Variants in PCDH15 observed in about 807,000 individuals in gnomAD.
PCDH15 encodes the protein protocadherin related 15.
PCDH15 carries 129 observed loss-of-function variants against 178.5 expected under a neutral mutation model. That is an observed-to-expected ratio of 0.72 (90% CI 0.63 to 0.84). PCDH15 has a LOEUF of 0.84. Ranked by LOEUF, PCDH15 falls within the 40% of genes least tolerant of loss-of-function variation. The pLI, the probability that PCDH15 is intolerant of heterozygous loss-of-function variation, is 0.00. For synonymous variants in PCDH15, 800 were observed against 732.0 expected, an observed-to-expected ratio of 1.09 and a Z score of -1.50; for missense variants, 2,230 against 2,099.9, an observed-to-expected ratio of 1.06 and a Z score of -1.21.
intron 2 of PCDH15, among the ~76,000 whole-genome samples, chr10:55,009,996 C>T (rs1378349325): frequency 6.6e-6 from 1 of 152,074 alleles, no homozygotes; most frequent in African/African-American, 2.4e-5. Flanking sequence ...CAGTCTCTCA[C>T]TAAGTCTGCA....
intron 6 of PCDH15, among the ~76,000 whole-genome samples, chr10:54,336,673 AC>A (rs998847032): frequency 2.6e-5 from 4 of 152,218 alleles, no homozygotes; most frequent in Admixed American, 1.3e-4. Context: ...GGATGTCCAG[AC>A]AAAAGTTTGC....
upstream of PCDH15, among the ~76,000 whole-genome samples, chr10:54,802,738 G>T (rs983128834): frequency 6.6e-6 from 1 of 152,134 alleles, no homozygotes; most frequent in Non-Finnish European, 1.5e-5. Flanking sequence ...AGAGCAGCTG[G>T]TATTTTAAGA....
intron 3 of PCDH15, among the ~76,000 whole-genome samples, chr10:54,500,212 A>T (rs2080534347): frequency 6.6e-6 from 1 of 152,074 alleles, no homozygotes; most frequent in African/African-American, 2.4e-5. Flanking sequence ...ATCAAATACC[A>T]CATGTTTTCA....
chr10:54,147,945 C>A (rs556498746), intron 14 of PCDH15, among the ~76,000 whole-genome samples: 1 of 151,906 alleles, frequency 6.6e-6, no homozygotes, highest in East Asian at 1.9e-4. Flanking sequence ...GACTGCTGAG[C>A]CAAGTCAATT....
At chr10:54,352,129 C>T (rs1211302641) in intron 5 of PCDH15, among the ~76,000 whole-genome samples, 2 of 151,918 alleles carry the variant, frequency 1.3e-5, no homozygotes, top group Non-Finnish European at 2.9e-5. Flanking sequence ...TGTGTCATAT[C>T]AACACAGAAA....
At chr10:54,323,225 G>T (rs1364884851) in intron 7 of PCDH15, among the ~76,000 whole-genome samples, 2 of 152,098 alleles carry the variant, frequency 1.3e-5, no homozygotes, top group Non-Finnish European at 2.9e-5. Flanking sequence ...ATATACTGGT[G>T]AGGCTGCAGA....
chr10:54,888,563 G>A (rs1319642757), intron 3 of PCDH15, among the ~76,000 whole-genome samples: 1 of 151,578 alleles, frequency 6.6e-6, no homozygotes, highest in African/African-American at 2.4e-5. Flanking sequence ...TACTTAGGAT[G>A]GCTTGGCAGG....
At position 53,807,019 on chromosome 10, in the gene PCDH15, T is replaced by C; in HGVS notation, c.4783A>G (p.Ile1595Val). 1 of 1,613,726 alleles carries C rather than the reference T, an allele frequency of 6.2e-7. No homozygotes were observed. Among genetic ancestry groups the C allele is most frequent in the Non-Finnish European group, 8.5e-7 (1 of 1,179,770 alleles). ...CQRNRLHHPS[I>V]HSNINGNIYI... ...ATATTGCCGTTGATATTACTGTGGA[T>C]ACTAGGATGGTGAAGACGGTTTCTC... is the stretch of plus-strand genomic sequence containing the variant. The change falls in exon 38 of 38, where the codon ATC (isoleucine) becomes GTC (valine). Residue 1595 changes from isoleucine to valine, a missense_variant. Transcript: ENST00000644397.
chr10:54,062,153 G>T (rs1467665087), intron 18 of PCDH15, among the ~76,000 whole-genome samples: 1 of 146,706 alleles, frequency 6.8e-6, no homozygotes, highest in Non-Finnish European at 1.5e-5. Context: ...AACCTGGGCG[G>T]CAGAGGTTGC....
intron 1 of PCDH15, among the ~76,000 whole-genome samples, chr10:55,252,863 G>T (rs564967965): frequency 6.6e-6 from 1 of 151,998 alleles, no homozygotes; most frequent in African/African-American, 2.4e-5. Flanking sequence ...AAAGAAACCT[G>T]TAAAATATAT....
At chr10:54,164,995 C>T (rs1363582101) in intron 13 of PCDH15, among the ~76,000 whole-genome samples, 1 of 152,170 alleles carries the variant, frequency 6.6e-6, no homozygotes, top group East Asian at 1.9e-4. Flanking sequence ...TGGAAATTCA[C>T]TATTCAGTGT....
intron 1 of PCDH15, among the ~76,000 whole-genome samples, chr10:55,192,877 A>G (rs2132148168): frequency 6.6e-6 from 1 of 151,566 alleles, no homozygotes; most frequent in African/African-American, 2.4e-5. Context: ...TTATATGTAT[A>G]TACATATATA....
intron 2 of PCDH15, among the ~76,000 whole-genome samples, chr10:54,627,808 C>T (rs1039024981): frequency 2.6e-5 from 4 of 152,156 alleles, no homozygotes; most frequent in African/African-American, 9.7e-5. Flanking sequence ...TAGTGTGGGA[C>T]ATGCACAAAA....
chr10:54,611,003 A>G (rs939178074), intron 2 of PCDH15, among the ~76,000 whole-genome samples: 7 of 151,882 alleles, frequency 4.6e-5, no homozygotes, highest in African/African-American at 9.7e-5. Context: ...ACAGAACAAC[A>G]TATCTTTGCA....
chr10:53,842,803 C>T (rs544768024), intron 28 of PCDH15, among the ~76,000 whole-genome samples: 16 of 152,188 alleles, frequency 1.1e-4, no homozygotes, highest in South Asian at 8.3e-4. Context: ...CAAATCAAAA[C>T]GCAAACAGGA....
At chr10:55,566,332 A>C (rs1423231574) in intron 2 of PCDH15, among the ~76,000 whole-genome samples, 1 of 151,836 alleles carries the variant, frequency 6.6e-6, no homozygotes, top group East Asian at 1.9e-4. Context: ...AAAAATTCAT[A>C]TATAAAAGTC....
At chr10:54,492,868 G>A (rs550673977) in intron 3 of PCDH15, among the ~76,000 whole-genome samples, 1 of 152,174 alleles carries the variant, frequency 6.6e-6, no homozygotes, top group Non-Finnish European at 1.5e-5. Flanking sequence ...CCTGAGACTG[G>A]GCGATTCACA....
intron 25 of PCDH15, among the ~76,000 whole-genome samples, chr10:53,920,890 G>A (rs185143372): frequency 2.6e-4 from 39 of 151,924 alleles, no homozygotes; most frequent in Non-Finnish European, 4.9e-4. Flanking sequence ...AAAGAGAGAA[G>A]TGGCCTTGAA....
intron 2 of PCDH15, among the ~76,000 whole-genome samples, chr10:55,515,630 T>C (rs1840994406): frequency 6.6e-6 from 1 of 152,104 alleles, no homozygotes. Flanking sequence ...TTGATATGTA[T>C]AGCCCACATA....
Sources: gnomAD v4.1 joint callset for allele counts (sites outside exome capture counted in the v4.1 genomes callset) on GRCh38, gnomAD v4.1.1 for gene constraint, MANE v1.5 for transcripts, NCBI Gene and HGNC (gene_info 2026-07-23, HGNC 2026-07-21) for gene names.